The following CCSER1 variants were observed in gnomAD, a reference collection of about 807,000 sequenced individuals.
CCSER1 encodes the protein serine-rich coiled-coil domain-containing protein 1.
Under a neutral mutation model 82.0 loss-of-function variants are expected in CCSER1, and 41 were observed. The observed-to-expected ratio is 0.50, with a 90% CI of 0.39 to 0.65. CCSER1 has a LOEUF of 0.65. Ranked by LOEUF, CCSER1 falls within the 30% of genes least tolerant of loss-of-function variation. The probability of loss-of-function intolerance (pLI) is 0.00; values close to 1 mark genes in which losing one functional copy is unlikely to be tolerated. For missense variants in CCSER1, 1,119 were observed against 1,064.2 expected (o/e 1.05, Z -0.72); for synonymous variants, 414 against 383.9 (o/e 1.08, Z -0.92).
intron 5 of CCSER1, among the ~76,000 whole-genome samples, chr4:90,616,732 C>T (rs924205795): frequency 0.018 from 1,389 of 75,742 alleles, 26 homozygotes; most frequent in African/African-American, 0.072. Context: ...CACACACACA[C>T]ACACACAAAT....
chr4:91,006,578 C>T (rs1156962102), intron 9 of CCSER1, among the ~76,000 whole-genome samples: 1 of 151,736 alleles, frequency 6.6e-6, no homozygotes, highest in African/African-American at 2.4e-5. Context: ...CAAGCTCTGC[C>T]TCCCAGGTTC....
At chr4:90,805,182 C>G (rs1407743835) in intron 7 of CCSER1, among the ~76,000 whole-genome samples, 1 of 152,116 alleles carries the variant, frequency 6.6e-6, no homozygotes, top group East Asian at 1.9e-4. Context: ...TTTTCTATGT[C>G]AAGAACTTGG....
At chr4:90,202,834 G>A (rs1460565194) in intron 1 of CCSER1, among the ~76,000 whole-genome samples, 7 of 152,000 alleles carry the variant, frequency 4.6e-5, no homozygotes, top group South Asian at 2.1e-4. Context: ...TGCATTTTTC[G>A]TGAACCACAG....
intron 1 of CCSER1, among the ~76,000 whole-genome samples, chr4:90,170,106 T>C (rs142812004): frequency 6.2e-4 from 94 of 152,142 alleles, no homozygotes; most frequent in African/African-American, 2.1e-3. Flanking sequence ...TCCCAGCATC[T>C]TGACTCCTAT....
intron 6 of CCSER1, among the ~76,000 whole-genome samples, chr4:90,669,950 T>TA (rs757331657): frequency 6.6e-6 from 1 of 152,140 alleles, no homozygotes; most frequent in Non-Finnish European, 1.5e-5. Flanking sequence ...AAAATGCTTT[T>TA]AGATTGGATT....
chr4:90,357,274 G>C (rs1744548243), intron 3 of CCSER1, among the ~76,000 whole-genome samples: 1 of 151,868 alleles, frequency 6.6e-6, no homozygotes. Context: ...AAAGGAACTT[G>C]CATTTAGTAA....
chr4:90,186,829 T>C (rs1459108751), intron 1 of CCSER1, among the ~76,000 whole-genome samples: 2 of 151,974 alleles, frequency 1.3e-5, no homozygotes, highest in Non-Finnish European at 2.9e-5. Context: ...TTGCTGCCTG[T>C]GATTTCCTGG....
chr4:91,394,286 T>C (rs1320863285), intron 10 of CCSER1, among the ~76,000 whole-genome samples: 1 of 152,084 alleles, frequency 6.6e-6, no homozygotes, highest in Non-Finnish European at 1.5e-5. Flanking sequence ...ACAAAGTAAA[T>C]GAGGGTAGAA....
chr4:91,352,570 G>A (rs1273729006), intron 10 of CCSER1, among the ~76,000 whole-genome samples: 3 of 152,150 alleles, frequency 2.0e-5, no homozygotes, highest in Non-Finnish European at 4.4e-5. Flanking sequence ...AAAGCACACA[G>A]AATAATGGTT....
At chr4:91,407,413 G>A (rs1346968991) in intron 10 of CCSER1, among the ~76,000 whole-genome samples, 1 of 152,116 alleles carries the variant, frequency 6.6e-6, no homozygotes, top group Non-Finnish European at 1.5e-5. Flanking sequence ...TTACAAATAA[G>A]TTCCTAAGAG....
chr4:91,102,673 ATATT>A (rs1323803025), intron 10 of CCSER1, among the ~76,000 whole-genome samples: 1 of 151,514 alleles, frequency 6.6e-6, no homozygotes, highest in Non-Finnish European at 1.5e-5. Flanking sequence ...GCTTCATCAC[ATATT>A]TATTTGAAAG....
chr4:90,680,677 AT>A (rs1174840918), intron 6 of CCSER1, among the ~76,000 whole-genome samples: 6 of 98 alleles, frequency 0.061, no homozygotes, highest in Non-Finnish European at 0.1. Flanking sequence ...TTTGGTTTGA[AT>A]TTCCTCCCGT....
intron 10 of CCSER1, among the ~76,000 whole-genome samples, chr4:91,134,303 G>T (rs1287830429): frequency 6.6e-6 from 1 of 151,646 alleles, no homozygotes; most frequent in Non-Finnish European, 1.5e-5. Flanking sequence ...AGGCTGAGGT[G>T]AAAGGATCAC....
At chr4:91,453,299 T>G (rs1755969183) in intron 10 of CCSER1, among the ~76,000 whole-genome samples, 1 of 152,038 alleles carries the variant, frequency 6.6e-6, no homozygotes, top group Admixed American at 6.6e-5. Context: ...CTTATAACAC[T>G]GTCTGCTTGA....
chr4:90,492,950 A>G (rs1228271089), intron 5 of CCSER1, among the ~76,000 whole-genome samples: 1 of 152,164 alleles, frequency 6.6e-6, no homozygotes, highest in Non-Finnish European at 1.5e-5. Flanking sequence ...TAGGCTTCAG[A>G]AGATCAAACT....
intron 10 of CCSER1, among the ~76,000 whole-genome samples, chr4:91,277,941 T>C (rs1742613271): frequency 6.6e-6 from 1 of 152,116 alleles, no homozygotes. Context: ...CTTGACCCAA[T>C]GGTTATTCAG....
At chr4:91,325,328 A>C (rs1190140005) in intron 10 of CCSER1, 2 of 369,974 alleles carry the variant, frequency 5.4e-6, no homozygotes, top group African/African-American at 4.3e-5. Flanking sequence ...AAATGAAGCC[A>C]TTTGACAGAA....
At position 91,603,903 on chromosome 4, in the gene CCSER1, C is replaced by T. The variant is rs1449187126; in HGVS notation, c.*4846C>T. On this transcript the variant is annotated 3_prime_UTR_variant, in exon 11 of 11. Coordinates refer to ENST00000509176, the MANE Select transcript of CCSER1 (RefSeq NM_001145065.2). Reference sequence around the variant, plus strand: ...CCTCTTCTAATAACTACAATAATTTCATCATGGGGGCCCCACCCTCATAAT... The same window carrying T: ...CCTCTTCTAATAACTACAATAATTTTATCATGGGGGCCCCACCCTCATAAT... The T allele has an allele frequency of 6.6e-6, 1 of 151,966 alleles. No individual in the cohort carries two copies. Among genetic ancestry groups the T allele is most frequent in the Admixed American group, 6.6e-5 (1 of 15,232 alleles). The allele number at this position is 151,966 out of a possible 1,614,324, so 9.4% of individuals were successfully genotyped here.
At position 90,914,105 on chromosome 4, in the gene CCSER1, T is replaced by G. The variant is rs977434668; in HGVS notation, c.2095-9265T>G. 5.3e-5 allele frequency among the ~76,000 whole-genome samples: 8 copies of G among 152,076 alleles called. No homozygotes were observed. In the South Asian group the frequency reaches 1.2e-3, roughly 24 times the overall value. ...ATCAACAAGACAGAAAGTTAACAAG[T>G]ATATCCAGGAATTGAATTCAGCTGT... On this transcript the variant is annotated intron_variant, in intron 8 of 10. Coordinates refer to ENST00000509176, the MANE Select transcript of CCSER1 (RefSeq NM_001145065.2).
Sources: allele counts gnomAD v4.1 joint callset (sites outside exome capture counted in the v4.1 genomes callset), GRCh38; gene constraint gnomAD v4.1.1; transcripts MANE v1.5; gene names NCBI Gene and HGNC (gene_info 2026-07-23, HGNC 2026-07-21).